The following CAMK2D variants were observed in gnomAD, a reference collection of about 807,000 sequenced individuals.
CAMK2D encodes the protein calcium/calmodulin dependent protein kinase II delta.
CAMK2D carries 37 observed loss-of-function variants against 84.0 expected under a neutral mutation model. The observed-to-expected ratio is 0.44, with a 90% CI of 0.34 to 0.58. The LOEUF (loss-of-function observed/expected upper bound fraction) is 0.58. Ranked by LOEUF, CAMK2D falls within the 20% of genes least tolerant of loss-of-function variation. CAMK2D has a pLI of 0.02. For synonymous variants in CAMK2D, 202 were observed against 212.5 expected, an observed-to-expected ratio of 0.95 and a Z score of 0.43; for missense variants, 448 against 652.5, an observed-to-expected ratio of 0.69 and a Z score of 3.41.
chr4:113,456,288 C>T (rs536160558), intron 19 of CAMK2D, among the ~76,000 whole-genome samples: 1 of 152,242 alleles, frequency 6.6e-6, no homozygotes, highest in Admixed American at 6.5e-5. Context: ...CAAATATTAA[C>T]AGGTGATCCT....
At chr4:113,508,179 T>TTTTA in intron 13 of CAMK2D, 1 of 1,285,346 alleles carries the variant, frequency 7.8e-7, no homozygotes, top group South Asian at 1.3e-5. Flanking sequence ...TAAATAAGAC[T>TTTTA]TTTATTCCTA....
chr4:113,465,317 G>A (rs915890298), intron 17 of CAMK2D, among the ~76,000 whole-genome samples: 6 of 152,024 alleles, frequency 3.9e-5, no homozygotes, highest in African/African-American at 1.4e-4. Flanking sequence ...ACAGGTGTGA[G>A]CCACTGTGCC....
intron 4 of CAMK2D, among the ~76,000 whole-genome samples, chr4:113,595,440 TTGTGTGTGTG>T (rs71582188): frequency 0.061 from 8,820 of 143,438 alleles, 322 homozygotes; most frequent in South Asian, 0.11. Flanking sequence ...TTATGTATGC[TTGTGTGTGTG>T]TGTGTGTGTG....
intron 16 of CAMK2D, 79 bp from the exon 17 acceptor site, chr4:113,465,683 G>T (rs1355523768): frequency 2.1e-5 from 19 of 890,068 alleles, no homozygotes; most frequent in Admixed American, 3.6e-5. Flanking sequence ...TTTAATTTTT[G>T]AGATAGGGTC....
chr4:113,748,086 C>G (rs1264179119), intron 2 of CAMK2D, among the ~76,000 whole-genome samples: 2 of 152,054 alleles, frequency 1.3e-5, no homozygotes, highest in East Asian at 3.9e-4. Flanking sequence ...AACATCAGCT[C>G]CTCTAGGAAG....
At chr4:113,648,368 G>C (rs1021177822) in intron 3 of CAMK2D, among the ~76,000 whole-genome samples, 1 of 152,150 alleles carries the variant, frequency 6.6e-6, no homozygotes, top group Admixed American at 6.5e-5. Context: ...TCATCATTCT[G>C]TCTATGGCCC....
chr4:113,753,968 T>C (rs187067320), intron 2 of CAMK2D: 3 of 976,654 alleles, frequency 3.1e-6, no homozygotes, highest in East Asian at 1.1e-4. Context: ...ATGTCTTCTA[T>C]TATGTTTATT....
intron 3 of CAMK2D, among the ~76,000 whole-genome samples, chr4:113,612,144 A>G (rs904063208): frequency 2.0e-5 from 3 of 152,172 alleles, no homozygotes; most frequent in Admixed American, 2.0e-4. Flanking sequence ...CATGTTCACA[A>G]TTACTGTGAG....
intron 4 of CAMK2D, among the ~76,000 whole-genome samples, chr4:113,556,948 T>C (rs968372699): frequency 1.3e-5 from 2 of 152,142 alleles, no homozygotes; most frequent in Non-Finnish European, 2.9e-5. Context: ...AATAATTAAA[T>C]GGGGGAATGA....
At chr4:113,678,051 T>C (rs2099326110) in intron 2 of CAMK2D, among the ~76,000 whole-genome samples, 1 of 152,208 alleles carries the variant, frequency 6.6e-6, no homozygotes, top group Non-Finnish European at 1.5e-5. Context: ...TATAATTTGA[T>C]TGTTCTGGTC....
At chr4:113,756,251 T>A (rs565877312) in intron 2 of CAMK2D, among the ~76,000 whole-genome samples, 2 of 152,150 alleles carry the variant, frequency 1.3e-5, no homozygotes, top group African/African-American at 4.8e-5. Context: ...TGTAGCCAAA[T>A]CTTTGGCAAT....
At chr4:113,743,211 G>A (rs2099596843) in intron 2 of CAMK2D, among the ~76,000 whole-genome samples, 1 of 152,222 alleles carries the variant, frequency 6.6e-6, no homozygotes, top group South Asian at 2.1e-4. Flanking sequence ...CAATATCAAG[G>A]ATTTTGCTAT....
chr4:113,735,546 T>C (rs1185400026), intron 2 of CAMK2D, among the ~76,000 whole-genome samples: 1 of 152,110 alleles, frequency 6.6e-6, no homozygotes, highest in Non-Finnish European at 1.5e-5. Flanking sequence ...CAATAAAGTA[T>C]ATATGGTGCT....
chr4:113,560,778 G>C (rs2098694561), intron 4 of CAMK2D, among the ~76,000 whole-genome samples: 1 of 152,184 alleles, frequency 6.6e-6, no homozygotes, highest in Non-Finnish European at 1.5e-5. Context: ...TGCAGTTTAT[G>C]AAGAATTCTT....
At position 113,707,734 on chromosome 4, in the gene CAMK2D, G is replaced by A. The variant is rs74329176; in HGVS notation, c.161-45962C>T. ...TCCAAATGATAGGGGGCAATAGAAC[G>A]AAAATTGCTGTAAATCAAACCATAA... On this transcript the variant is annotated intron_variant, in intron 2 of 20. Coordinates refer to ENST00000511664, the MANE Select transcript of CAMK2D (RefSeq NM_001321571.2). 0.015 allele frequency among the ~76,000 whole-genome samples: 2,228 copies of A among 152,228 alleles called. 92 individuals carry two copies. In the East Asian group the frequency reaches 0.15, roughly 10 times the overall value.
chr4:113,521,538 G>A (rs1249308255), intron 8 of CAMK2D, among the ~76,000 whole-genome samples: 1 of 152,130 alleles, frequency 6.6e-6, no homozygotes, highest in Non-Finnish European at 1.5e-5. Context: ...GCACTTACAT[G>A]TGCTGTCTTG....
At chr4:113,467,664 A>G (rs2285703) in intron 16 of CAMK2D, among the ~76,000 whole-genome samples, 31,075 of 152,160 alleles carry the variant, frequency 0.2, 3,440 homozygotes, top group Non-Finnish European at 0.26. Context: ...ATTGATGAAT[A>G]TCAATAATAC....
intron 15 of CAMK2D, 51 bp from the exon 16 acceptor site, chr4:113,500,562 T>G: frequency 1.6e-6 from 2 of 1,261,844 alleles, no homozygotes; most frequent in African/African-American, 3.0e-5. Context: ...ATAGCTTGAT[T>G]TCCTCCTTAA....
chr4:113,581,165 A>G (rs1340365999), intron 4 of CAMK2D, among the ~76,000 whole-genome samples: 1 of 152,200 alleles, frequency 6.6e-6, no homozygotes, highest in Non-Finnish European at 1.5e-5. Flanking sequence ...GGTAGAATCA[A>G]TAATTGTTAT....
Sources: gnomAD v4.1 joint callset for allele counts (sites outside exome capture counted in the v4.1 genomes callset) on GRCh38, gnomAD v4.1.1 for gene constraint, MANE v1.5 for transcripts, NCBI Gene and HGNC (gene_info 2026-07-23, HGNC 2026-07-21) for gene names.